The following SFPQ variants were observed in gnomAD, a reference collection of about 807,000 sequenced individuals.
The protein encoded by SFPQ is splicing factor proline and glutamine rich.
Under a neutral mutation model 72.9 loss-of-function variants are expected in SFPQ, and 11 were observed. That is an observed-to-expected ratio of 0.15 (90% CI 0.09 to 0.25). SFPQ has a LOEUF of 0.25. Among genes scored for constraint, SFPQ ranks in the 10% least tolerant of loss-of-function variants. The probability of loss-of-function intolerance (pLI) is 1.00; values close to 1 mark genes in which losing one functional copy is unlikely to be tolerated. For missense variants in SFPQ, 847 were observed against 993.3 expected (o/e 0.85, Z 1.98); for synonymous variants, 506 against 367.3 (o/e 1.38, Z -4.32).
chr1:35,181,876 C>A, downstream of SFPQ: 2 of 985,264 alleles, frequency 2.0e-6, no homozygotes, highest in Non-Finnish European at 2.4e-6. Context: ...AAGCTTACAA[C>A]CCTGAGTACA....
chr1:35,187,171 ACTTATATCATTAAT>A lies in SFPQ; in HGVS notation c.1864+18_1864+31del. 1 of 1,613,908 alleles carries A rather than the reference ACTTATATCATTAAT, an allele frequency of 6.2e-7. No individual in the cohort carries two copies. The highest frequency in any genetic ancestry group is 8.5e-7 in the Non-Finnish European group (1 of 1,179,878). On this transcript the variant is annotated intron_variant, in intron 8 of 9. Transcript: ENST00000357214. ...CAACTCCACCAGGATACTACTCTCTACTTATATCATTAATTTAAATTTCACACTTACCTCCCATG... is the reference window on the plus strand; with the variant it reads ...CAACTCCACCAGGATACTACTCTCTATTAAATTTCACACTTACCTCCCATG...
chr1:35,189,110 A>G (rs1318733051), intron 5 of SFPQ, 23 bp from the exon 6 acceptor site: 1 of 1,613,192 alleles, frequency 6.2e-7, no homozygotes, highest in Non-Finnish European at 8.5e-7. Context: ...AAATATTTGG[A>G]TTCACATTAA....
chr1:35,178,079 T>C, downstream of SFPQ: 1 of 1,253,112 alleles, frequency 8.0e-7, no homozygotes, highest in Non-Finnish European at 1.0e-6. Context: ...GACAAGGGTA[T>C]AAAATAAAGG....
At chr1:35,186,345 A>T (rs1389485187) in intron 9 of SFPQ, among the ~76,000 whole-genome samples, 1 of 152,234 alleles carries the variant, frequency 6.6e-6, no homozygotes, top group Non-Finnish European at 1.5e-5. Context: ...CAGCTGAAAC[A>T]TGATAGCATC....
chr1:35,190,194 A>AG lies in SFPQ; in HGVS notation c.1415+303dup, dbSNP rs543739135. Among the ~76,000 whole-genome samples the AG allele has an allele frequency of 3.0e-3, 451 of 152,314 alleles. 2 individuals are homozygous for AG. Among genetic ancestry groups the AG allele is most frequent in the Admixed American group, 3.6e-3 (55 of 15,302 alleles). On this transcript the variant is annotated intron_variant, in intron 4 of 9. Transcript: ENST00000357214. ...AGAATCGCTTGAACCTGGGAGGCAG[A>AG]GGTTGCAGAGAGCTGAGGTCATGCC...
At chr1:35,180,461 T>C, downstream of SFPQ, 1 of 1,049,320 alleles carries the variant, frequency 9.5e-7, no homozygotes, top group Non-Finnish European at 1.2e-6. Context: ...ATTCCCAACA[T>C]GTATTCGACT....
intron 6 of SFPQ, among the ~76,000 whole-genome samples, chr1:35,188,503 A>G (rs1436541571): frequency 2.0e-5 from 3 of 152,144 alleles, no homozygotes. Context: ...GGAAGACTCC[A>G]TCTCCACAAA....
At position 35,183,699 on chromosome 1, in the gene SFPQ, G is replaced by GC; in HGVS notation, c.*756dup. The GC allele has an allele frequency of 9.6e-7, 1 of 1,043,054 alleles. No homozygotes were observed. The highest frequency in any genetic ancestry group is 1.7e-5 in the African/African-American group (1 of 59,886). The allele number at this position is 1,043,054 out of a possible 1,614,324, so 64.6% of individuals were successfully genotyped here. On this transcript the variant is annotated 3_prime_UTR_variant, in exon 10 of 10. Coordinates refer to ENST00000357214, the MANE Select transcript of SFPQ (RefSeq NM_005066.3). ...TTTTAAAAACAAGAAATGGGGAAAT[G>GC]CAACAAAATGACCTTTCCACTTTTC...
chr1:35,193,116 G>C lies in SFPQ; in HGVS notation c.-67C>G. ...GCTCAGGAAACGTGGAGGCCACCTT[G>C]CTTCTCACAAAATGGCGGATGACAC... On this transcript the variant is annotated 5_prime_UTR_variant, in exon 1 of 10. Transcript: ENST00000357214. 1 of 1,488,398 alleles carries C rather than the reference G, an allele frequency of 6.7e-7. No homozygotes were observed. Among genetic ancestry groups the C allele is most frequent in the Non-Finnish European group, 8.9e-7 (1 of 1,127,308 alleles). 92.2% of individuals were successfully genotyped at this position (1,488,398 alleles called of 1,614,324 possible).
At position 35,192,792 on chromosome 1, in the gene SFPQ, C is replaced by CTGATGCGGTGGCGGCTGCTGCGGCGGT; in HGVS notation, c.231_257dup (p.Gln80_Pro88dup). 3 of 1,500,220 alleles carry CTGATGCGGTGGCGGCTGCTGCGGCGGT rather than the reference C, an allele frequency of 2.0e-6. No individual in the cohort carries two copies. The highest frequency in any genetic ancestry group is 2.7e-6 in the Non-Finnish European group (3 of 1,129,888). 92.9% of individuals were successfully genotyped at this position (1,500,220 alleles called of 1,614,324 possible). ...GATGCGGCTGTGGATGCGGCGGCGG[C>CTGATGCGGTGGCGGCTGCTGCGGCGGT]TGATGCGGTGGCGGCTGCTGCGGCG... is the stretch of plus-strand genomic sequence containing the variant. On this transcript the variant is annotated inframe_insertion, in exon 1 of 10. Coordinates refer to ENST00000357214, the MANE Select transcript of SFPQ (RefSeq NM_005066.3).
chr1:35,176,568 C>A (rs1311820347), intron 5 of SFPQ: 8 of 151,984 alleles, frequency 5.3e-5, no homozygotes, highest in African/African-American at 1.5e-4. Flanking sequence ...TGAACTAATA[C>A]CAAAGAAATC....
At chr1:35,179,427 A>G (rs1009836143), downstream of SFPQ, 7 of 1,056,820 alleles carry the variant, frequency 6.6e-6, no homozygotes, top group Non-Finnish European at 5.7e-6. Context: ...AACAGTACGA[A>G]AATACATTCT....
chr1:35,186,965 A>C, intron 9 of SFPQ, 36 bp downstream of exon 9: 1 of 1,571,986 alleles, frequency 6.4e-7, no homozygotes, highest in Non-Finnish European at 8.7e-7. Context: ...TGAAAATGAG[A>C]ATTTCCTTGG....
chr1:35,180,645 A>C, downstream of SFPQ: 1 of 1,053,652 alleles, frequency 9.5e-7, no homozygotes, highest in Non-Finnish European at 1.1e-6. Flanking sequence ...ATTACAAAAA[A>C]ACCTGTACTT....
downstream of SFPQ, chr1:35,181,903 G>A (rs115385043): frequency 3.9e-5 from 38 of 985,168 alleles, no homozygotes; most frequent in Admixed American, 6.1e-5. Context: ...TTTTAGTGAT[G>A]AAAGTCAAAT....
rs571698294 is a variant in SFPQ at position 35,183,584 on chromosome 1, G to A, written c.*872C>T. ...TACACCCCATCTTTATAAATCACTTGAATACATGAAAAGACTTCATGTTTA... is the reference window on the plus strand; with the variant it reads ...TACACCCCATCTTTATAAATCACTTAAATACATGAAAAGACTTCATGTTTA... On this transcript the variant is annotated 3_prime_UTR_variant, in exon 10 of 10. Transcript: ENST00000357214. The A allele has an allele frequency of 2.0e-6, 2 of 1,021,730 alleles. No individual in the cohort carries two copies. The highest frequency in any genetic ancestry group is 6.4e-5 in the East Asian group (1 of 15,538). 63.3% of individuals were successfully genotyped at this position (1,021,730 alleles called of 1,614,324 possible).
chr1:35,189,516 A>C (rs904088829), intron 4 of SFPQ, 134 bp from the exon 5 acceptor site: 2 of 614,510 alleles, frequency 3.3e-6, no homozygotes, highest in African/African-American at 3.7e-5. Flanking sequence ...TGATTCATCT[A>C]TAAATATCTT....
At chr1:35,179,153 G>A (rs2148604025), downstream of SFPQ, 1 of 1,059,926 alleles carries the variant, frequency 9.4e-7, no homozygotes, top group Middle Eastern at 4.2e-4. Flanking sequence ...CAACATCCTG[G>A]CTCTCTAAAA....
At position 35,188,025 on chromosome 1, in the gene SFPQ, T is replaced by C. The variant is rs1354207379; in HGVS notation, c.1763A>G (p.Gln588Arg). ...MMIRQREMEE[Q>R]MRRQREESYS... is the part of the protein sequence containing the mutation. ...ACTTTCCTCTCTTTGGCGCCTCATT[T>C]GTTCTTCCATCTCACGTTGACGAAT... is the stretch of plus-strand genomic sequence containing the variant. The change falls in exon 7 of 10, where the codon CAA (glutamine) becomes CGA (arginine). Residue 588 changes from glutamine to arginine, a missense_variant. By Grantham distance (43) the Gln-to-Arg change is conservative (BLOSUM62 1). Coordinates refer to ENST00000357214, the MANE Select transcript of SFPQ (RefSeq NM_005066.3). 1 of 1,614,222 alleles carries C rather than the reference T, an allele frequency of 6.2e-7. No individual in the cohort carries two copies. The highest frequency in any genetic ancestry group is 1.1e-5 in the South Asian group (1 of 91,088).
Sources: allele counts gnomAD v4.1 joint callset (sites outside exome capture counted in the v4.1 genomes callset), GRCh38; gene constraint gnomAD v4.1.1; transcripts MANE v1.5; gene names NCBI Gene and HGNC (gene_info 2026-07-23, HGNC 2026-07-21).